Variants in FAM220A observed in about 807,000 individuals in gnomAD.
FAM220A encodes the protein family with sequence similarity 220 member A.
For synonymous variants in FAM220A, 141 were observed against 130.7 expected, an observed-to-expected ratio of 1.08 and a Z score of -0.54; for missense variants, 392 against 321.6, an observed-to-expected ratio of 1.22 and a Z score of -1.68.
Position 6,330,704 on chromosome 7 carries a change from G to C in FAM220A, c.451C>G (p.Arg151Gly). 1 of 1,614,068 alleles carries C rather than the reference G, an allele frequency of 6.2e-7. No individual in the cohort carries two copies. Among genetic ancestry groups the C allele is most frequent in the South Asian group, 1.1e-5 (1 of 91,086 alleles). The change falls in exon 2 of 2, where the codon CGG (arginine) becomes GGG (glycine). Residue 151 changes from arginine to glycine, a missense_variant. Physicochemically the swap from Arg to Gly is moderately radical, Grantham distance 125. Transcript: ENST00000313324. ...HRGQCPKGEP[R>G]VSRLPRHQKV... ...TGATGGCGTGGCAGTCGTGACACCC[G>C]AGGCTCTCCTTTGGGGCACTGTCCT...
chr7:6,343,697 A>C (rs1364781060), intron 1 of FAM220A, among the ~76,000 whole-genome samples: 1 of 151,982 alleles, frequency 6.6e-6, no homozygotes, highest in Non-Finnish European at 1.5e-5. Context: ...CATTCTCAGT[A>C]TACAACTGTC....
At chr7:6,343,643 A>G (rs1781905827) in intron 1 of FAM220A, among the ~76,000 whole-genome samples, 1 of 151,892 alleles carries the variant, frequency 6.6e-6, no homozygotes, top group Admixed American at 6.6e-5. Context: ...TAAGAACTCC[A>G]GGAGATTAAG....
chr7:6,340,689 G>A (rs1781834571), intron 1 of FAM220A, among the ~76,000 whole-genome samples: 5 of 151,944 alleles, frequency 3.3e-5, no homozygotes, highest in Admixed American at 2.6e-4. Context: ...CACGAGGTCA[G>A]GAGATCGAGA....
chr7:6,338,379 AAC>A (rs1300480052), intron 1 of FAM220A, among the ~76,000 whole-genome samples: 27 of 152,158 alleles, frequency 1.8e-4, no homozygotes, highest in Non-Finnish European at 2.9e-5. Context: ...AAATTTAAAA[AAC>A]AGTGTAAATG....
intron 1 of FAM220A, among the ~76,000 whole-genome samples, chr7:6,343,487 A>G (rs1205886024): frequency 1.3e-5 from 2 of 148,316 alleles, no homozygotes; most frequent in Non-Finnish European, 3.0e-5. Flanking sequence ...CACAGGCCAT[A>G]TAACTGAAAA....
At chr7:6,346,567 G>A (rs758156094) in intron 1 of FAM220A, among the ~76,000 whole-genome samples, 16 of 152,118 alleles carry the variant, frequency 1.1e-4, no homozygotes, top group Non-Finnish European at 2.2e-4. Flanking sequence ...TTTTAGTAGA[G>A]ACAGGGTTTC....
At chr7:6,336,325 G>A (rs537989416) in intron 1 of FAM220A, among the ~76,000 whole-genome samples, 63 of 152,022 alleles carry the variant, frequency 4.1e-4, no homozygotes, top group South Asian at 2.1e-4. Context: ...TCCAGCCTGC[G>A]CAATTAGAGC....
intron 1 of FAM220A, among the ~76,000 whole-genome samples, chr7:6,336,170 C>T (rs934548457): frequency 1.0e-5 from 1 of 99,274 alleles, no homozygotes; most frequent in African/African-American, 7.8e-5. Flanking sequence ...GAGATTTTGC[C>T]TCAAAAAAAA....
chr7:6,336,728 A>G (rs1222403235), intron 1 of FAM220A, among the ~76,000 whole-genome samples: 1 of 149,502 alleles, frequency 6.7e-6, no homozygotes, highest in Non-Finnish European at 1.5e-5. Context: ...GTCACGGCTC[A>G]CTGCAGCCTC....
At chr7:6,335,533 G>GTTA (rs35237618) in intron 1 of FAM220A, among the ~76,000 whole-genome samples, 68,900 of 151,560 alleles carry the variant, frequency 0.45, 16,207 homozygotes, top group African/African-American at 0.59. Flanking sequence ...CAGCCTAGCC[G>GTTA]TTAATATGTG....
In FAM220A at chr7:6,341,550, T is replaced by G. The variant is rs540760085; in HGVS notation, c.-82+7023A>C. Among the ~76,000 whole-genome samples the G allele has an allele frequency of 5.5e-5, 8 of 145,828 alleles. No homozygotes were observed. In the Admixed American group the frequency reaches 5.5e-4, roughly 10 times the overall value. ...AAAAATTTTTTTTAAATTAGCCAGG[T>G]GTAGTGGTGGGAGCCTGTAGTCCCA... On this transcript the variant is annotated intron_variant, in intron 1 of 1. Transcript: ENST00000313324.
chr7:6,347,925 A>G (rs1583243303), intron 1 of FAM220A, among the ~76,000 whole-genome samples: 1 of 144,594 alleles, frequency 6.9e-6, no homozygotes, highest in African/African-American at 2.6e-5. Flanking sequence ...TATTATTATT[A>G]TTGAGATGGA....
intron 1 of FAM220A, among the ~76,000 whole-genome samples, chr7:6,338,895 G>A (rs562974156): frequency 1.3e-5 from 2 of 152,294 alleles, no homozygotes; most frequent in East Asian, 3.9e-4. Flanking sequence ...GGCCGCGGTG[G>A]GCCTTGAGGG....
At chr7:6,340,807 G>T (rs12055988) in intron 1 of FAM220A, among the ~76,000 whole-genome samples, 2,910 of 150,252 alleles carry the variant, frequency 0.019, 45 homozygotes, top group East Asian at 0.051. Flanking sequence ...GCTGAGGCAG[G>T]AGAATGGCGT....
chr7:6,331,318 C>T (rs1781630308), intron 1 of FAM220A, 83 bp from the exon 2 acceptor site: 1 of 680,334 alleles, frequency 1.5e-6, no homozygotes, highest in Admixed American at 2.9e-5. Context: ...TATTTCCTAA[C>T]AAACACTGAG....
At chr7:6,335,415 G>C (rs989349921) in intron 1 of FAM220A, among the ~76,000 whole-genome samples, 1 of 151,748 alleles carries the variant, frequency 6.6e-6, no homozygotes, top group Non-Finnish European at 1.5e-5. Flanking sequence ...TTTTAGTAGA[G>C]ATGGTGTTTC....
At chr7:6,333,622 C>T (rs987589664) in intron 1 of FAM220A, among the ~76,000 whole-genome samples, 4 of 151,914 alleles carry the variant, frequency 2.6e-5, no homozygotes, top group African/African-American at 9.7e-5. Flanking sequence ...ATTCAGCCTC[C>T]TGTGTCACTG....
At position 6,343,129 on chromosome 7, in the gene FAM220A, C is replaced by T. The variant is rs375564540; in HGVS notation, c.-82+5444G>A. 2.0e-5 allele frequency among the ~76,000 whole-genome samples: 3 copies of T among 151,700 alleles called. No individual in the cohort carries two copies. The East Asian group carries it at 5.8e-4, about 29-fold the overall frequency. The stretch of plus-strand genomic sequence containing the variant: ...CAGTGGCTTACACCTGTAATCCCAG[C>T]ACCTTGGGAGGCCGAGGAGGGTGGA... On this transcript the variant is annotated intron_variant, in intron 1 of 1. Transcript: ENST00000313324.
At position 6,330,461 on chromosome 7, in the gene FAM220A, T is replaced by G. The variant is rs1466789067; in HGVS notation, c.694A>C (p.Lys232Gln). Residue 232 changes from lysine to glutamine, a missense_variant, in exon 2 of 2, where the codon AAA (lysine) becomes CAA (glutamine). By Grantham distance (53) the Lys-to-Gln change is moderately conservative. Transcript: ENST00000313324. Reference protein sequence around the residue: ...KQTIEFKKMLKSTSDGLQITL... With the variant: ...KQTIEFKKMLQSTSDGLQITL... The stretch of plus-strand genomic sequence containing the variant: ...ATCTGCAGACCATCTGAGGTGCTTT[T>G]AAGCATTTTCTTGAATTCTATTGTT... 6.2e-7 allele frequency: 1 copy of G among 1,614,082 alleles called. No individual in the cohort carries two copies. Among genetic ancestry groups the G allele is most frequent in the Non-Finnish European group, 8.5e-7 (1 of 1,180,052 alleles).
Sources: allele counts gnomAD v4.1 joint callset (sites outside exome capture counted in the v4.1 genomes callset), GRCh38; gene constraint gnomAD v4.1.1; transcripts MANE v1.5; gene names NCBI Gene and HGNC (gene_info 2026-07-23, HGNC 2026-07-21).